PPP1R14C: variants seen among roughly 807,000 people sequenced by gnomAD.
PPP1R14C encodes protein phosphatase 1 regulatory subunit 14C.
In PPP1R14C, 16 loss-of-function variants were observed where a neutral mutation model predicts 20.4. The ratio of observed to expected loss-of-function variants is 0.78; its 90% CI spans 0.53 to 1.19. The LOEUF (loss-of-function observed/expected upper bound fraction) is 1.19, where lower values mean the gene tolerates loss of function less well. PPP1R14C is among the 50% of genes most tolerant of loss of function. The probability of loss-of-function intolerance (pLI) is 0.00; values close to 1 mark genes in which losing one functional copy is unlikely to be tolerated. For synonymous variants in PPP1R14C, 91 were observed against 91.0 expected (o/e 1.00, Z 0.00); for missense variants, 211 against 220.1 (o/e 0.96, Z 0.26).
At chr6:150,173,337 T>A (rs1188494815) in intron 1 of PPP1R14C, among the ~76,000 whole-genome samples, 1 of 139,906 alleles carries the variant, frequency 7.1e-6, no homozygotes. Context: ...ATCCTTACCC[T>A]TTTTTTTTTC....
intron 1 of PPP1R14C, among the ~76,000 whole-genome samples, chr6:150,188,393 A>G (rs1410195417): frequency 6.6e-6 from 1 of 152,218 alleles, no homozygotes; most frequent in Non-Finnish European, 1.5e-5. Flanking sequence ...GGAATTTTAA[A>G]AAGACCCTTC....
chr6:150,188,199 C>G (rs1777699153), intron 1 of PPP1R14C, among the ~76,000 whole-genome samples: 1 of 152,170 alleles, frequency 6.6e-6, no homozygotes. Flanking sequence ...TTAAGGATCT[C>G]TAATTTAGAA....
chr6:150,203,577 G>C (rs573194320), intron 1 of PPP1R14C, among the ~76,000 whole-genome samples: 3 of 152,260 alleles, frequency 2.0e-5, no homozygotes, highest in South Asian at 4.2e-4. Context: ...GAGCCTTCCC[G>C]AGGCAGGAGG....
chr6:150,212,882 G>A (rs1283687127), intron 1 of PPP1R14C, among the ~76,000 whole-genome samples: 1 of 152,186 alleles, frequency 6.6e-6, no homozygotes, highest in Admixed American at 6.5e-5. Flanking sequence ...TGGGTGTGTG[G>A]TAGGCTACGC....
At chr6:150,194,718 A>C (rs941028196) in intron 1 of PPP1R14C, 1 of 985,344 alleles carries the variant, frequency 1.0e-6, no homozygotes, top group African/African-American at 1.7e-5. Flanking sequence ...TTGTTCAGCT[A>C]TAAAACGTAA....
rs569111526 is a variant in PPP1R14C, at chr6:150,204,248, G to C, written c.307-10496G>C. On this transcript the variant is annotated intron_variant, in intron 1 of 3. Transcript: ENST00000361131. The stretch of plus-strand genomic sequence containing the variant: ...CGTCACTTATTTTCACTCGTCTTAC[G>C]AGGACCAACCTGCCGACTTTCTCGT... Among the ~76,000 whole-genome samples the C allele has an allele frequency of 5.3e-5, 8 of 152,284 alleles. No homozygotes were observed. In the South Asian group the frequency reaches 1.7e-3, roughly 32 times the overall value.
intron 1 of PPP1R14C, among the ~76,000 whole-genome samples, chr6:150,199,650 G>T (rs995304714): frequency 6.6e-6 from 1 of 152,144 alleles, no homozygotes; most frequent in Non-Finnish European, 1.5e-5. Flanking sequence ...TGGGAGAATT[G>T]CTTGAGCCCA....
chr6:150,188,325 G>C (rs1777700223), intron 1 of PPP1R14C, among the ~76,000 whole-genome samples: 1 of 152,152 alleles, frequency 6.6e-6, no homozygotes, highest in Non-Finnish European at 1.5e-5. Flanking sequence ...TCAGACAAAT[G>C]TTTATACAAC....
intron 3 of PPP1R14C, among the ~76,000 whole-genome samples, chr6:150,239,962 G>GA (rs1435597622): frequency 6.6e-6 from 1 of 152,112 alleles, no homozygotes; most frequent in Non-Finnish European, 1.5e-5. Context: ...GCTGAGGGAG[G>GA]AGAATCACTT....
intron 1 of PPP1R14C, among the ~76,000 whole-genome samples, chr6:150,168,484 G>T (rs1659532655): frequency 6.6e-6 from 1 of 151,978 alleles, no homozygotes; most frequent in Non-Finnish European, 1.5e-5. Context: ...AGTGAGCCGA[G>T]ATAGCGCCAC....
At chr6:150,218,546 C>T (rs191982869) in intron 3 of PPP1R14C, among the ~76,000 whole-genome samples, 1 of 142,870 alleles carries the variant, frequency 7.0e-6, no homozygotes, top group Admixed American at 7.2e-5. Flanking sequence ...CCTTTCAGGC[C>T]CTTTTCCTAT....
intron 2 of PPP1R14C, among the ~76,000 whole-genome samples, chr6:150,216,421 G>A (rs1247283508): frequency 6.6e-6 from 1 of 152,120 alleles, no homozygotes; most frequent in Non-Finnish European, 1.5e-5. Context: ...ACTTGAACTG[G>A]GAGGCAGAAG....
intron 1 of PPP1R14C, among the ~76,000 whole-genome samples, chr6:150,184,197 G>A (rs910330533): frequency 1.3e-5 from 2 of 152,214 alleles, no homozygotes; most frequent in Non-Finnish European, 1.5e-5. Flanking sequence ...AGGATGTGAT[G>A]AGAGCATAGG....
At chr6:150,193,273 A>G (rs945087420) in intron 1 of PPP1R14C, among the ~76,000 whole-genome samples, 6 of 152,066 alleles carry the variant, frequency 3.9e-5, no homozygotes, top group Non-Finnish European at 7.3e-5. Context: ...GAGGAAAAAG[A>G]GGAGGAAGAG....
At position 150,248,748 on chromosome 6, in the gene PPP1R14C, A is replaced by C; in HGVS notation, c.426A>C (p.Glu142Asp). 1 of 1,608,536 alleles carries C rather than the reference A, an allele frequency of 6.2e-7. No individual in the cohort carries two copies. Among genetic ancestry groups the C allele is most frequent in the Non-Finnish European group, 8.5e-7 (1 of 1,175,120 alleles). The change falls in exon 4 of 4, where the codon GAA becomes GAC. Residue 142 changes from glutamate to aspartate, a missense_variant and splice_region_variant. Coordinates refer to ENST00000361131, the MANE Select transcript of PPP1R14C (RefSeq NM_030949.3). ...ALVDCYKPTE[E>D]FIKELLSRIR... ...TAACTTCTTCTGATCTCTTTTAGGA[A>C]TTTATCAAAGAGCTGCTTTCTCGGA... is the stretch of plus-strand genomic sequence containing the variant.
At chr6:150,184,442 T>A (rs1777654911) in intron 1 of PPP1R14C, among the ~76,000 whole-genome samples, 2 of 152,166 alleles carry the variant, frequency 1.3e-5, no homozygotes, top group African/African-American at 4.8e-5. Flanking sequence ...TGGAGTAGGT[T>A]GTACCATCTA....
intron 1 of PPP1R14C, among the ~76,000 whole-genome samples, chr6:150,199,768 T>C (rs1777853620): frequency 6.6e-6 from 1 of 151,938 alleles, no homozygotes; most frequent in Admixed American, 6.6e-5. Context: ...CCTCAGTAGG[T>C]TGAGGCAGGA....
intron 1 of PPP1R14C, among the ~76,000 whole-genome samples, chr6:150,203,259 A>C (rs568681451): frequency 2.6e-5 from 4 of 152,238 alleles, no homozygotes; most frequent in African/African-American, 9.6e-5. Context: ...TGATGGTTTT[A>C]CTATCTCCAT....
At chr6:150,226,600 G>A (rs1778233294) in intron 3 of PPP1R14C, among the ~76,000 whole-genome samples, 1 of 152,090 alleles carries the variant, frequency 6.6e-6, no homozygotes, top group South Asian at 2.1e-4. Context: ...CGTCTGTTAG[G>A]GGAGTTGTCT....
Sources: gnomAD v4.1 joint callset for allele counts (sites outside exome capture counted in the v4.1 genomes callset) on GRCh38, gnomAD v4.1.1 for gene constraint, MANE v1.5 for transcripts, NCBI Gene and HGNC (gene_info 2026-07-23, HGNC 2026-07-21) for gene names.